Variants in NMNAT3 observed in about 807,000 individuals in gnomAD.
NMNAT3 encodes the protein nicotinamide/nicotinic acid mononucleotide adenylyltransferase 3.
A neutral mutation model predicts 24.8 loss-of-function variants in NMNAT3; 21 were observed. The ratio of observed to expected loss-of-function variants is 0.85; its 90% CI spans 0.60 to 1.22. The LOEUF (loss-of-function observed/expected upper bound fraction) is 1.22. Among genes scored for constraint, NMNAT3 ranks in the 50% most tolerant of loss-of-function variants. NMNAT3 has a pLI of 0.00. For missense variants in NMNAT3, 387 were observed against 436.6 expected (o/e 0.89, Z 1.01); for synonymous variants, 136 against 155.2 (o/e 0.88, Z 0.92).
At chr3:139,578,272 G>C (rs1939623655) in intron 5 of NMNAT3, among the ~76,000 whole-genome samples, 1 of 152,046 alleles carries the variant, frequency 6.6e-6, no homozygotes, top group South Asian at 2.1e-4. Flanking sequence ...AGAAATTCCA[G>C]AAGAAAAAAT....
intron 2 of NMNAT3, chr3:139,636,317 G>GA (rs1164503848): frequency 2.4e-4 from 35 of 148,906 alleles, no homozygotes; most frequent in African/African-American, 7.3e-4. Flanking sequence ...GTTTGAAAGG[G>GA]AAAAAAATAC....
At chr3:139,670,275 T>C (rs2057716167) in intron 1 of NMNAT3, among the ~76,000 whole-genome samples, 1 of 152,188 alleles carries the variant, frequency 6.6e-6, no homozygotes, top group Non-Finnish European at 1.5e-5. Context: ...GCAAGCCAGC[T>C]TGACTTCCAC....
Position 139,583,090 on chromosome 3 carries a change from A to G in NMNAT3, c.228T>C (p.Asn76=). 6.3e-7 allele frequency: 1 copy of G among 1,581,536 alleles called. No homozygotes were observed. ...TAAAAGATGACTTGTCAGGGTCATC[A>G]TTTTTGCTGCTAACATTATTTTGAA... is the stretch of plus-strand genomic sequence containing the variant. The change falls in exon 4 of 7, where the codon AAT becomes AAC. Residue 76 remains asparagine (N), a synonymous_variant. Transcript: ENST00000643695.
At chr3:139,591,748 A>G (rs1386690924) in intron 3 of NMNAT3, among the ~76,000 whole-genome samples, 1 of 152,264 alleles carries the variant, frequency 6.6e-6, no homozygotes, top group Non-Finnish European at 1.5e-5. Context: ...ACAGACCTGC[A>G]GCTGAGGGTC....
At position 139,561,214 on chromosome 3, in the gene NMNAT3, G is replaced by C; in HGVS notation, c.837C>G (p.His279Gln). 6.2e-7 allele frequency: 1 copy of C among 1,614,186 alleles called. No individual in the cohort carries two copies. Among genetic ancestry groups the C allele is most frequent in the South Asian group, 1.1e-5 (1 of 91,086 alleles). ...CCTTGGCCAGGTGAATGTTGTGCTG[G>C]TGCATCCGTAGGATGGGAGATTCTG... The change falls in exon 7 of 7, where the codon CAC (histidine) becomes CAG (glutamine). Residue 279 changes from histidine (H) to glutamine (Q), a missense_variant. By Grantham distance (24) the His-to-Gln change is conservative. This residue lies in a region of NMNAT3 where 323 missense variants were observed against 345.2 expected (regional missense o/e 0.94). Coordinates refer to ENST00000643695, the MANE Select transcript of NMNAT3 (RefSeq NM_001320510.2).
In NMNAT3 at chr3:139,653,841, G is replaced by C. The variant is rs886674022; in HGVS notation, c.-140-15779C>G. On this transcript the variant is annotated intron_variant, in intron 1 of 6. Transcript: ENST00000643695. Reference sequence around the variant, plus strand: ...AGCAACACGTTGTAACTCGAACCTGGGGCGTGGCAGCATTTCAGAGCAAGG... The same window carrying C: ...AGCAACACGTTGTAACTCGAACCTGCGGCGTGGCAGCATTTCAGAGCAAGG... Among the ~76,000 whole-genome samples the C allele has an allele frequency of 2.6e-5, 4 of 152,290 alleles. No homozygotes were observed. In the South Asian group the frequency reaches 6.2e-4, roughly 24 times the overall value.
intron 1 of NMNAT3, among the ~76,000 whole-genome samples, chr3:139,662,708 C>A (rs1303113598): frequency 6.6e-6 from 1 of 152,110 alleles, no homozygotes; most frequent in Non-Finnish European, 1.5e-5. Context: ...TCCAAGGGTG[C>A]CTTTGGCCAC....
At chr3:139,583,883 A>G (rs2053795400) in intron 3 of NMNAT3, among the ~76,000 whole-genome samples, 1 of 152,242 alleles carries the variant, frequency 6.6e-6, no homozygotes, top group South Asian at 2.1e-4. Flanking sequence ...ACCAGACGGT[A>G]TGATATTCTT....
At chr3:139,598,579 C>T (rs2054579441) in intron 3 of NMNAT3, among the ~76,000 whole-genome samples, 1 of 152,268 alleles carries the variant, frequency 6.6e-6, no homozygotes, top group East Asian at 1.9e-4. Context: ...GGACTCCACT[C>T]GGTCACAGTC....
At chr3:139,604,566 G>A (rs563367279) in intron 3 of NMNAT3, among the ~76,000 whole-genome samples, 16 of 152,252 alleles carry the variant, frequency 1.1e-4, no homozygotes, top group African/African-American at 3.6e-4. Context: ...GTGGCATGAA[G>A]AGGTTAAATA....
chr3:139,617,679 A>G (rs1163475039), intron 3 of NMNAT3, among the ~76,000 whole-genome samples: 1 of 152,226 alleles, frequency 6.6e-6, no homozygotes, highest in Non-Finnish European at 1.5e-5. Context: ...CACGTGGATT[A>G]TTGCTGAAAT....
intron 6 of NMNAT3, among the ~76,000 whole-genome samples, chr3:139,564,564 A>G (rs1936891745): frequency 6.6e-6 from 1 of 152,242 alleles, no homozygotes; most frequent in Non-Finnish European, 1.5e-5. Flanking sequence ...CAAGCAGCCC[A>G]GAATGTAGCA....
rs1390817817 is a variant in NMNAT3, at chr3:139,595,863, A to G, written c.110-12655T>C. ...GAGCTAAAACCATAAAAACCCTAGA[A>G]GAAAACCTAGGCATTACCATTCAGG... On this transcript the variant is annotated intron_variant, in intron 3 of 6. Transcript: ENST00000643695. Among the ~76,000 whole-genome samples, 4 of 152,352 alleles carry G rather than the reference A, an allele frequency of 2.6e-5. No individual in the cohort carries two copies. The East Asian group carries it at 5.8e-4, about 22-fold the overall frequency.
intron 4 of NMNAT3, among the ~76,000 whole-genome samples, chr3:139,582,384 G>A (rs2053682752): frequency 6.6e-6 from 1 of 151,726 alleles, no homozygotes; most frequent in Admixed American, 6.6e-5. Context: ...GCTCATGCCT[G>A]TAATCCCAGC....
At chr3:139,622,780 G>GATATATATATC (rs1028139239) in intron 3 of NMNAT3, among the ~76,000 whole-genome samples, 2 of 135,868 alleles carry the variant, frequency 1.5e-5, no homozygotes, top group African/African-American at 2.8e-5. Context: ...TCATATATAT[G>GATATATATATC]ATATATATAT....
At chr3:139,561,947 A>AT (rs1465409905) in intron 6 of NMNAT3, among the ~76,000 whole-genome samples, 8 of 152,198 alleles carry the variant, frequency 5.3e-5, no homozygotes, top group Non-Finnish European at 8.8e-5. Flanking sequence ...TGGCCTTTTC[A>AT]TTGCAGTTTC....
At chr3:139,586,092 C>T (rs981984379) in intron 3 of NMNAT3, among the ~76,000 whole-genome samples, 1 of 152,172 alleles carries the variant, frequency 6.6e-6, no homozygotes, top group African/African-American at 2.4e-5. Context: ...AGCTTTTTAG[C>T]TTTAATAGTG....
intron 3 of NMNAT3, chr3:139,599,458 A>C: frequency 1.4e-6 from 1 of 698,880 alleles, no homozygotes; most frequent in Non-Finnish European, 2.6e-6. Context: ...AAGGCCTTGA[A>C]AGACAAAAAT....
At chr3:139,596,983 A>G (rs1576610281) in intron 3 of NMNAT3, among the ~76,000 whole-genome samples, 1 of 137,660 alleles carries the variant, frequency 7.3e-6, no homozygotes, top group East Asian at 2.1e-4. Context: ...ACATTGCATT[A>G]CAACCATTAT....
Sources: allele counts gnomAD v4.1 joint callset (sites outside exome capture counted in the v4.1 genomes callset), GRCh38; gene constraint gnomAD v4.1.1; regional missense constraint gnomAD v4.1.1; transcripts MANE v1.5; gene names NCBI Gene and HGNC (gene_info 2026-07-23, HGNC 2026-07-21).